The following MERTK variants were observed in gnomAD, a reference collection of about 807,000 sequenced individuals.
The protein encoded by MERTK is MER proto-oncogene, tyrosine kinase, also known as tyrosine-protein kinase Mer.
MERTK carries 69 observed loss-of-function variants against 99.3 expected under a neutral mutation model. The observed-to-expected ratio is 0.70, with a 90% CI of 0.57 to 0.85. The LOEUF is 0.85. Ranked by LOEUF, MERTK falls within the 40% of genes least tolerant of loss-of-function variation. MERTK has a pLI of 0.00. For missense variants in MERTK, 1,125 were observed against 1,249.4 expected (o/e 0.90, Z 1.50); for synonymous variants, 426 against 467.6 (o/e 0.91, Z 1.15).
intron 18 of MERTK, 151 bp downstream of exon 18, chr2:112,022,545 GC>G: frequency 8.8e-7 from 1 of 1,133,238 alleles, no homozygotes. Context: ...AGACACCCCA[GC>G]CCAGGAGCCA....
chr2:111,933,672 T>C (rs1278061051), intron 2 of MERTK, among the ~76,000 whole-genome samples: 1 of 152,170 alleles, frequency 6.6e-6, no homozygotes, highest in Admixed American at 6.5e-5. Flanking sequence ...CTGCACTCAT[T>C]CTTTAAATAT....
intron 2 of MERTK, among the ~76,000 whole-genome samples, chr2:111,942,705 A>C (rs1684886840): frequency 6.6e-6 from 1 of 152,156 alleles, no homozygotes; most frequent in Non-Finnish European, 1.5e-5. Context: ...GCTCCTACAA[A>C]AGAACGAGGG....
At chr2:111,899,275 C>G (rs1683991326) in intron 1 of MERTK, among the ~76,000 whole-genome samples, 1 of 152,088 alleles carries the variant, frequency 6.6e-6, no homozygotes, top group South Asian at 2.1e-4. Context: ...GAACGGGCTG[C>G]GGGAGTCGGA....
At chr2:111,958,884 C>G (rs967495047) in intron 4 of MERTK, among the ~76,000 whole-genome samples, 1 of 152,014 alleles carries the variant, frequency 6.6e-6, no homozygotes, top group African/African-American at 2.4e-5. Flanking sequence ...ACAGGGCTGG[C>G]TCTTCCCCTT....
At chr2:111,912,814 C>T (rs1484142727) in intron 1 of MERTK, among the ~76,000 whole-genome samples, 1 of 152,172 alleles carries the variant, frequency 6.6e-6, no homozygotes, top group Non-Finnish European at 1.5e-5. Context: ...CTCAGTTCAA[C>T]CCTCAGAACC....
At chr2:112,027,807 G>A (rs1221496377) in intron 18 of MERTK, among the ~76,000 whole-genome samples, 1 of 152,140 alleles carries the variant, frequency 6.6e-6, no homozygotes, top group East Asian at 1.9e-4. Context: ...CTAGCCCCAG[G>A]GCCCCAACTA....
At position 111,982,874 on chromosome 2, in the gene MERTK, T is replaced by C; in HGVS notation, c.1177T>C (p.Phe393Leu). The C allele has an allele frequency of 6.2e-7, 1 of 1,614,192 alleles. No homozygotes were observed. The highest frequency in any genetic ancestry group is 8.5e-7 in the Non-Finnish European group (1 of 1,180,016). Residue 393 changes from phenylalanine to leucine, a missense_variant, in exon 8 of 19, where the codon TTT becomes CTT. By Grantham distance (22) the Phe-to-Leu change is conservative. Coordinates refer to ENST00000295408, the MANE Select transcript of MERTK (RefSeq NM_006343.3). ...PSVAPLNVTVFLNESSDNVDI... is the reference protein window; with the variant it reads ...PSVAPLNVTVLLNESSDNVDI... ...AGTAGCACCTTTAAATGTCACTGTG[T>C]TTCTGAATGAATCTAGTGATAATGT...
chr2:111,960,480 C>CA (rs61179378), intron 4 of MERTK, among the ~76,000 whole-genome samples: 3,321 of 75,582 alleles, frequency 0.044, 78 homozygotes, highest in Middle Eastern at 0.085. Context: ...GTCTCAGTCT[C>CA]AAAAAAAAAA....
chr2:111,965,377 C>A (rs1431243839), intron 5 of MERTK, 100 bp downstream of exon 5: 2 of 1,124,016 alleles, frequency 1.8e-6, no homozygotes, highest in Non-Finnish European at 1.3e-6. Context: ...CTGGCTTTCT[C>A]ACTGTCTCAA....
At chr2:111,901,747 A>G (rs6541942) in intron 1 of MERTK, among the ~76,000 whole-genome samples, 34,896 of 149,762 alleles carry the variant, frequency 0.23, 4,328 homozygotes, top group Middle Eastern at 0.38. Flanking sequence ...TAGAGACAGG[A>G]TCTCACTATG....
chr2:112,027,195 A>C (rs1035486665), intron 18 of MERTK, among the ~76,000 whole-genome samples: 2 of 151,098 alleles, frequency 1.3e-5, no homozygotes, highest in African/African-American at 4.9e-5. Flanking sequence ...ACACACACAC[A>C]TTTTTATATA....
chr2:111,938,866 A>G (rs532010000), intron 2 of MERTK, among the ~76,000 whole-genome samples: 1 of 152,234 alleles, frequency 6.6e-6, no homozygotes, highest in East Asian at 1.9e-4. Flanking sequence ...TTCAATCCCT[A>G]TGTAATCCTA....
intron 8 of MERTK, among the ~76,000 whole-genome samples, chr2:111,991,589 G>T (rs1676617181): frequency 6.6e-6 from 1 of 152,010 alleles, no homozygotes; most frequent in African/African-American, 2.4e-5. Flanking sequence ...TTATTAATTT[G>T]TTCACTTAAT....
intron 1 of MERTK, among the ~76,000 whole-genome samples, chr2:111,912,026 G>A (rs1187280632): frequency 1.6e-5 from 2 of 128,822 alleles, no homozygotes; most frequent in Admixed American, 8.1e-5. Context: ...TATTTATGAC[G>A]GAGTCTCACG....
At chr2:111,971,869 G>A (rs1676126048) in intron 6 of MERTK, among the ~76,000 whole-genome samples, 1 of 152,150 alleles carries the variant, frequency 6.6e-6, no homozygotes, top group Non-Finnish European at 1.5e-5. Context: ...CTGTCTCATG[G>A]TTCCATCTGT....
At chr2:111,964,398 TGC>T (rs1553452048) in intron 4 of MERTK, among the ~76,000 whole-genome samples, 4,742 of 81,020 alleles carry the variant, frequency 0.059, 94 homozygotes, top group Middle Eastern at 0.16. Context: ...TGTGTGTGTG[TGC>T]GCGCGCGCAC....
At chr2:111,922,741 A>T (rs1230385926) in intron 1 of MERTK, among the ~76,000 whole-genome samples, 1 of 152,210 alleles carries the variant, frequency 6.6e-6, no homozygotes, top group Non-Finnish European at 1.5e-5. Flanking sequence ...CCATACCTTG[A>T]GGTGGTGAGG....
At chr2:111,962,439 G>A (rs560225414) in intron 4 of MERTK, among the ~76,000 whole-genome samples, 181 of 152,236 alleles carry the variant, frequency 1.2e-3, no homozygotes, top group South Asian at 3.7e-3. Flanking sequence ...CCTGGGAGGT[G>A]GAGGTTGTAG....
At chr2:111,998,945 C>T (rs1676810697) in intron 10 of MERTK, among the ~76,000 whole-genome samples, 1 of 152,118 alleles carries the variant, frequency 6.6e-6, no homozygotes, top group Non-Finnish European at 1.5e-5. Context: ...TTTGTAAAAC[C>T]ACTTTCCAGC....
Sources: gnomAD v4.1 joint callset for allele counts (sites outside exome capture counted in the v4.1 genomes callset) on GRCh38, gnomAD v4.1.1 for gene constraint, MANE v1.5 for transcripts, NCBI Gene and HGNC (gene_info 2026-07-23, HGNC 2026-07-21) for gene names.